CTNNA2: variants seen among roughly 807,000 people sequenced by gnomAD.
CTNNA2 encodes the protein catenin alpha-2.
A neutral mutation model predicts 101.0 loss-of-function variants in CTNNA2; 42 were observed. The observed-to-expected ratio is 0.42, with a 90% CI of 0.32 to 0.54. CTNNA2 has a LOEUF of 0.54. Among genes scored for constraint, CTNNA2 ranks in the 20% least tolerant of loss-of-function variants. The pLI is 0.14. For synonymous variants in CTNNA2, 450 were observed against 456.4 expected (o/e 0.99, Z 0.18); for missense variants, 871 against 1,223.1 (o/e 0.71, Z 4.29).
intron 4 of CTNNA2, among the ~76,000 whole-genome samples, chr2:79,866,086 A>G (rs951409468): frequency 3.3e-5 from 5 of 152,224 alleles, no homozygotes; most frequent in Admixed American, 3.3e-4. Context: ...TTTAATGACT[A>G]TCTCAAACAA....
intron 7 of CTNNA2, among the ~76,000 whole-genome samples, chr2:80,266,224 A>G (rs1672991363): frequency 6.6e-6 from 1 of 152,200 alleles, no homozygotes; most frequent in Non-Finnish European, 1.5e-5. Flanking sequence ...ATTAGAGTGC[A>G]TCCTTATGCT....
In CTNNA2 at chr2:80,555,778, C is replaced by T. The variant is rs746318697; in HGVS notation, c.1626C>T (p.Ala542=). The stretch of plus-strand genomic sequence containing the variant: ...ACACTCTGGACCGGACTGCAGGGGC[C>T]ATCAGGGGCCGGGCAGCTCGAGTCA... ...DVDTLDRTAG[A]IRGRAARVIH... The change falls in exon 12 of 19, where the codon GCC becomes GCT. Residue 542 remains alanine, a synonymous_variant. Transcript: ENST00000402739. The T allele has an allele frequency of 5.0e-6, 8 of 1,600,008 alleles. No individual in the cohort carries two copies. The Admixed American group carries it at 1.2e-4, about 24-fold the overall frequency.
chr2:79,870,550 C>G (rs1028038317), intron 5 of CTNNA2, among the ~76,000 whole-genome samples: 2 of 151,982 alleles, frequency 1.3e-5, no homozygotes, highest in African/African-American at 4.8e-5. Context: ...GCTGTGTGAC[C>G]TGGGATCTCC....
intron 4 of CTNNA2, among the ~76,000 whole-genome samples, chr2:79,435,024 A>C (rs1363746607): frequency 6.6e-6 from 1 of 152,156 alleles, no homozygotes; most frequent in Non-Finnish European, 1.5e-5. Flanking sequence ...AAATTCTGTA[A>C]CTAACCATAG....
At chr2:79,829,707 T>TATTC (rs2105419432) in intron 3 of CTNNA2, among the ~76,000 whole-genome samples, 1 of 140,960 alleles carries the variant, frequency 7.1e-6, no homozygotes. Flanking sequence ...TTTATTTATT[T>TATTC]ATTTATTTAT....
chr2:79,930,156 G>A (rs1217861587), intron 7 of CTNNA2, among the ~76,000 whole-genome samples: 1 of 151,798 alleles, frequency 6.6e-6, no homozygotes, highest in African/African-American at 2.4e-5. Flanking sequence ...AGAATCACTT[G>A]AACCTGGGAG....
intron 7 of CTNNA2, among the ~76,000 whole-genome samples, chr2:80,069,705 C>CGT (rs145680191): frequency 5.6e-4 from 85 of 151,414 alleles, no homozygotes; most frequent in South Asian, 2.3e-3. Context: ...AATATATGTA[C>CGT]GTGTGTGTGT....
At chr2:79,259,936 A>G (rs1674898483) in intron 2 of CTNNA2, among the ~76,000 whole-genome samples, 1 of 152,192 alleles carries the variant, frequency 6.6e-6, no homozygotes, top group Non-Finnish European at 1.5e-5. Context: ...AAACTATTAC[A>G]TTAGGGCTAA....
intron 7 of CTNNA2, among the ~76,000 whole-genome samples, chr2:80,031,253 A>G (rs1349103690): frequency 1.3e-5 from 2 of 152,228 alleles, no homozygotes; most frequent in African/African-American, 4.8e-5. Flanking sequence ...ATAACACGTT[A>G]ACATTGTTGA....
chr2:79,687,057 T>A (rs1459401366), intron 2 of CTNNA2, among the ~76,000 whole-genome samples: 4 of 152,094 alleles, frequency 2.6e-5, no homozygotes, highest in Non-Finnish European at 5.9e-5. Flanking sequence ...CTGGGAGAAA[T>A]CACTGTAATT....
intron 7 of CTNNA2, among the ~76,000 whole-genome samples, chr2:80,183,954 A>G (rs982294466): frequency 9.9e-5 from 15 of 152,090 alleles, no homozygotes; most frequent in African/African-American, 3.6e-4. Context: ...AAATCATAAC[A>G]AGTCATCAAC....
intron 2 of CTNNA2, among the ~76,000 whole-genome samples, chr2:79,653,349 T>A (rs1479742882): frequency 6.6e-6 from 1 of 152,198 alleles, no homozygotes; most frequent in Non-Finnish European, 1.5e-5. Context: ...CCTGTATCAG[T>A]CCAAGCTGAT....
chr2:79,382,108 G>A (rs1678046294), intron 4 of CTNNA2, among the ~76,000 whole-genome samples: 1 of 152,064 alleles, frequency 6.6e-6, no homozygotes, highest in South Asian at 2.1e-4. Context: ...GAGGGCCCAA[G>A]TAGAACAAAA....
At chr2:79,478,747 CTCTACCCTTTTTGGAA>C (rs1266109439) in intron 4 of CTNNA2, among the ~76,000 whole-genome samples, 1 of 152,148 alleles carries the variant, frequency 6.6e-6, no homozygotes, top group Non-Finnish European at 1.5e-5. Context: ...TGATACTTAC[CTCTACCCTTTTTGGAA>C]TCTGCAGTTA....
chr2:79,655,364 C>G (rs927886466), intron 2 of CTNNA2, among the ~76,000 whole-genome samples: 2 of 152,136 alleles, frequency 1.3e-5, no homozygotes, highest in Admixed American at 1.3e-4. Flanking sequence ...TATTCAGGCT[C>G]ATGCTAGTCA....
At chr2:79,245,443 C>T (rs1358939317) in intron 2 of CTNNA2, among the ~76,000 whole-genome samples, 2 of 152,158 alleles carry the variant, frequency 1.3e-5, no homozygotes, top group Non-Finnish European at 2.9e-5. Flanking sequence ...GAGCTAGACT[C>T]CATCTCCAAA....
intron 4 of CTNNA2, among the ~76,000 whole-genome samples, chr2:79,420,242 T>G (rs999112145): frequency 5.9e-5 from 9 of 152,158 alleles, no homozygotes; most frequent in African/African-American, 2.2e-4. Flanking sequence ...TTGCCCTGCT[T>G]CTGTAGTCTC....
intron 4 of CTNNA2, among the ~76,000 whole-genome samples, chr2:79,379,817 C>T (rs1678019536): frequency 6.6e-6 from 1 of 151,972 alleles, no homozygotes; most frequent in Non-Finnish European, 1.5e-5. Flanking sequence ...AATAATTTTG[C>T]CTTTTGCCCT....
chr2:79,958,329 T>C (rs990671503), intron 7 of CTNNA2, among the ~76,000 whole-genome samples: 1 of 149,156 alleles, frequency 6.7e-6, no homozygotes, highest in African/African-American at 2.4e-5. Context: ...TACAGAAATC[T>C]TCCATGGTTA....
Sources: allele counts gnomAD v4.1 joint callset (sites outside exome capture counted in the v4.1 genomes callset), GRCh38; gene constraint gnomAD v4.1.1; transcripts MANE v1.5; gene names NCBI Gene and HGNC (gene_info 2026-07-23, HGNC 2026-07-21).